The following ZNF787 variants were observed in gnomAD, a reference collection of about 807,000 sequenced individuals.
ZNF787 encodes the protein TTF-I-interacting peptide 20.
ZNF787 carries 7 observed loss-of-function variants against 16.9 expected under a neutral mutation model. The ratio of observed to expected loss-of-function variants is 0.42; its 90% CI spans 0.24 to 0.78. The LOEUF (loss-of-function observed/expected upper bound fraction) is 0.78. Ranked by LOEUF, ZNF787 falls within the 30% of genes least tolerant of loss-of-function variation. The probability of loss-of-function intolerance (pLI) is 0.30; values close to 1 mark genes in which losing one functional copy is unlikely to be tolerated. For missense variants in ZNF787, 551 were observed against 589.3 expected (o/e 0.94, Z 0.67); for synonymous variants, 345 against 270.9 (o/e 1.27, Z -2.69).
intron 1 of ZNF787, among the ~76,000 whole-genome samples, chr19:56,104,492 G>A (rs952488842): frequency 2.7e-5 from 4 of 149,726 alleles, no homozygotes; most frequent in Admixed American, 6.6e-5. Context: ...TACGCACGCC[G>A]ACCCGTGCCA....
At chr19:56,117,249 C>T (rs2030161918) in intron 1 of ZNF787, among the ~76,000 whole-genome samples, 1 of 152,084 alleles carries the variant, frequency 6.6e-6, no homozygotes, top group African/African-American at 2.4e-5. Context: ...AGTACAGTAT[C>T]ACAGAGCCAC....
chr19:56,111,490 G>C (rs2029978409), intron 1 of ZNF787, among the ~76,000 whole-genome samples: 1 of 152,132 alleles, frequency 6.6e-6, no homozygotes, highest in South Asian at 2.1e-4. Context: ...AAAACACCCT[G>C]GCCGACCCAG....
intron 2 of ZNF787, among the ~76,000 whole-genome samples, chr19:56,091,693 C>T (rs965147121): frequency 6.6e-6 from 1 of 152,174 alleles, no homozygotes; most frequent in African/African-American, 2.4e-5. Flanking sequence ...TTTCTAAGTA[C>T]GAGTTAAGCA....
At chr19:56,100,218 T>C (rs1245866762) in intron 2 of ZNF787, among the ~76,000 whole-genome samples, 1 of 152,066 alleles carries the variant, frequency 6.6e-6, no homozygotes, top group African/African-American at 2.4e-5. Flanking sequence ...ACCCTCCCTC[T>C]TTGGCACTCC....
intron 2 of ZNF787, among the ~76,000 whole-genome samples, chr19:56,095,828 C>G (rs1352514442): frequency 1.3e-5 from 2 of 152,206 alleles, no homozygotes; most frequent in African/African-American, 4.8e-5. Flanking sequence ...GACCCCGACT[C>G]CCCTGCCCAG....
intron 2 of ZNF787, among the ~76,000 whole-genome samples, chr19:56,100,648 AC>A (rs1986056307): frequency 1.4e-5 from 1 of 72,756 alleles, no homozygotes; most frequent in African/African-American, 5.3e-5. Flanking sequence ...CCGCCACCCC[AC>A]CCCCACCTAC....
Position 56,088,086 on chromosome 19 carries a change from C to CG in ZNF787, c.1085_1086insC (p.Glu362AspfsTer101), listed in dbSNP as rs1985395394. 2.7e-6 allele frequency: 4 copies of CG among 1,486,414 alleles called. No homozygotes were observed. Among genetic ancestry groups the CG allele is most frequent in the Admixed American group, 2.5e-5 (1 of 39,542 alleles). The allele number at this position is 1,486,414 out of a possible 1,614,324, so 92.1% of individuals were successfully genotyped here. ...CGCCCGCGGCCTCGTCGTCGTCGTC[C>CG]TCCTCCTCCCCGCCCGCGCGGTAGT... On this transcript the variant is annotated frameshift_variant, in exon 3 of 3. Transcript: ENST00000610935. LOFTEE classifies it low-confidence loss of function (END_TRUNC). This position sits in a 1 kb window ranked among gnomAD's most constrained non-coding sequence, Gnocchi z 8.6.
intron 2 of ZNF787, among the ~76,000 whole-genome samples, chr19:56,092,798 C>G (rs1985681259): frequency 1.3e-5 from 2 of 151,968 alleles, no homozygotes; most frequent in African/African-American, 4.8e-5. Context: ...CTGGGATACC[C>G]CATAGACGCA....
At chr19:56,100,363 C>T (rs924214527) in intron 2 of ZNF787, among the ~76,000 whole-genome samples, 1 of 152,192 alleles carries the variant, frequency 6.6e-6, no homozygotes, top group African/African-American at 2.4e-5. Context: ...TCAACCTTCC[C>T]TAGGCCACTG....
At chr19:56,103,027 G>T (rs1490120008) in intron 2 of ZNF787, 112 bp downstream of exon 2, 4 of 1,236,522 alleles carry the variant, frequency 3.2e-6, no homozygotes, top group African/African-American at 1.5e-5. Context: ...GTGGTCCCAG[G>T]GCCCCAAGAG....
At position 56,088,408 on chromosome 19, in the gene ZNF787, G is replaced by A. The variant is rs1985430266; in HGVS notation, c.764C>T (p.Ala255Val). 2.7e-6 allele frequency: 3 copies of A among 1,119,312 alleles called. No individual in the cohort carries two copies. The highest frequency in any genetic ancestry group is 4.1e-5 in the South Asian group (1 of 24,158). The allele number at this position is 1,119,312 out of a possible 1,614,324, so 69.3% of individuals were successfully genotyped here. Reference sequence around the variant, plus strand: ...CCCCGCGCCCGCCATGGCTGCCGCGGCCGCGGCCCCCTCGCCCGGCGCGCC... The same window carrying A: ...CCCCGCGCCCGCCATGGCTGCCGCGACCGCGGCCCCCTCGCCCGGCGCGCC... ...VVGAPGEGAA[A>V]AAAMAGAGAK... Residue 255 changes from alanine (A) to valine (V), a missense_variant, in exon 3 of 3, where the codon GCC (alanine) becomes GTC (valine). By Grantham distance (64) the Ala-to-Val change is moderately conservative. This residue lies in a region of ZNF787 where 392 missense variants were observed against 312.7 expected (regional missense o/e 1.25). Coordinates refer to ENST00000610935, the MANE Select transcript of ZNF787 (RefSeq NM_001002836.4). The surrounding 1 kb of genome is among the most constrained non-coding windows in gnomAD (Gnocchi z 8.6).
Position 56,088,329 on chromosome 19 carries a change from C to T in ZNF787, c.843G>A (p.Val281=). The T allele has an allele frequency of 1.6e-6, 2 of 1,247,068 alleles. No homozygotes were observed. Among genetic ancestry groups the T allele is most frequent in the Non-Finnish European group, 2.0e-6 (2 of 991,552 alleles). 77.3% of individuals were successfully genotyped at this position (1,247,068 alleles called of 1,614,324 possible). Residue 281 remains valine, a synonymous_variant, in exon 3 of 3, where the codon GTG becomes GTA. Coordinates refer to ENST00000610935, the MANE Select transcript of ZNF787 (RefSeq NM_001002836.4). This position sits in a 1 kb window ranked among gnomAD's most constrained non-coding sequence, Gnocchi z 8.6. ...CGAAGCCCTTCCCGCACTCCAGACA[C>T]ACGTACGGCTTGGGGGCCGGGGCGC... ...SRRAPAPKPY[V]CLECGKGFGH... is the part of the protein sequence containing the mutation.
chr19:56,105,774 G>C (rs1986278392), intron 1 of ZNF787, among the ~76,000 whole-genome samples: 1 of 152,156 alleles, frequency 6.6e-6, no homozygotes, highest in South Asian at 2.1e-4. Context: ...CCCATGTAAA[G>C]TGTACGATGC....
At position 56,121,265 on chromosome 19, in the gene ZNF787, G is replaced by A. The variant is rs1240268223; in HGVS notation, c.-104C>T. ...GCGGCAGCGGCGACTCAGACCCTGG[G>A]GTCAGGGGGACGGGCGCCCAGGCCG... is the stretch of plus-strand genomic sequence containing the variant. On this transcript the variant is annotated 5_prime_UTR_variant, in exon 1 of 3. Transcript: ENST00000610935. The A allele has an allele frequency of 2.7e-5, 4 of 150,764 alleles. No homozygotes were observed. Among genetic ancestry groups the A allele is most frequent in the Non-Finnish European group, 4.4e-5 (3 of 67,670 alleles). 9.3% of individuals were successfully genotyped at this position (150,764 alleles called of 1,614,324 possible). A position where few individuals can be genotyped will look rare whatever the true frequency, so the allele number is the denominator to read the frequency against.
rs535113909 is a variant in ZNF787 at position 56,112,103 on chromosome 19, G to A, written c.-10-8876C>T. ...TGGCGGGGGCATGGGACCCTCACCC[G>A]CAGAGGTGAACGATGGGAGAGGCGG... On this transcript the variant is annotated intron_variant, in intron 1 of 2. Coordinates refer to ENST00000610935, the MANE Select transcript of ZNF787 (RefSeq NM_001002836.4). Among the ~76,000 whole-genome samples, 18 of 152,170 alleles carry A rather than the reference G, an allele frequency of 1.2e-4. No homozygotes were observed. The South Asian group carries it at 1.4e-3, about 12-fold the overall frequency.
chr19:56,097,874 G>A (rs1053250531), intron 2 of ZNF787, among the ~76,000 whole-genome samples: 1 of 152,142 alleles, frequency 6.6e-6, no homozygotes, highest in Non-Finnish European at 1.5e-5. Flanking sequence ...CTACTGGAGT[G>A]ACCTCCAGTA....
chr19:56,092,797 C>G (rs779488454), intron 2 of ZNF787, among the ~76,000 whole-genome samples: 2 of 151,706 alleles, frequency 1.3e-5, no homozygotes, highest in African/African-American at 4.9e-5. Flanking sequence ...ACTGGGATAC[C>G]CCATAGACGC....
intron 2 of ZNF787, among the ~76,000 whole-genome samples, chr19:56,093,807 G>A (rs1369304290): frequency 2.6e-5 from 4 of 152,162 alleles, no homozygotes; most frequent in Admixed American, 1.3e-4. Flanking sequence ...ACGAAGGATC[G>A]GTGACTTCCT....
intron 1 of ZNF787, among the ~76,000 whole-genome samples, chr19:56,115,853 G>T (rs1319400465): frequency 6.6e-6 from 1 of 152,234 alleles, no homozygotes; most frequent in African/African-American, 2.4e-5. Flanking sequence ...GGTGCCTGCA[G>T]ATCTTCAGAT....
Sources: allele counts gnomAD v4.1 joint callset (sites outside exome capture counted in the v4.1 genomes callset), GRCh38; gene constraint gnomAD v4.1.1; regional missense constraint gnomAD v4.1.1; non-coding constraint Gnocchi (gnomAD v3.1); transcripts MANE v1.5; gene names NCBI Gene and HGNC (gene_info 2026-07-23, HGNC 2026-07-21).